The following GAREM1 variants were observed in gnomAD, a reference collection of about 807,000 sequenced individuals.
The protein encoded by GAREM1 is GRB2-associated and regulator of MAPK protein 1.
Under a neutral mutation model 71.3 loss-of-function variants are expected in GAREM1, and 26 were observed. That is an observed-to-expected ratio of 0.36 (90% CI 0.27 to 0.51). GAREM1 has a LOEUF of 0.51. Ranked by LOEUF, GAREM1 falls within the 20% of genes least tolerant of loss-of-function variation. The pLI is 0.95. For missense variants in GAREM1, 1,026 were observed against 1,103.1 expected (o/e 0.93, Z 0.99); for synonymous variants, 440 against 433.2 (o/e 1.02, Z -0.20).
intron 1 of GAREM1, among the ~76,000 whole-genome samples, chr18:32,410,510 A>G (rs979753618): frequency 5.9e-5 from 9 of 151,988 alleles, no homozygotes; most frequent in African/African-American, 2.2e-4. Context: ...GCCACACTGG[A>G]TAATGTTTTT....
chr18:32,345,527 T>C (rs2047687317), intron 2 of GAREM1, among the ~76,000 whole-genome samples: 1 of 152,078 alleles, frequency 6.6e-6, no homozygotes, highest in African/African-American at 2.4e-5. Context: ...AGTAAAAAAA[T>C]AGGAAAACTT....
intron 2 of GAREM1, among the ~76,000 whole-genome samples, chr18:32,364,943 C>T (rs867788875): frequency 1.3e-5 from 2 of 152,066 alleles, no homozygotes; most frequent in South Asian, 2.1e-4. Flanking sequence ...CCAGACTTCT[C>T]GATATATTAC....
intron 2 of GAREM1, among the ~76,000 whole-genome samples, chr18:32,376,240 C>T (rs1302706977): frequency 6.6e-6 from 1 of 152,184 alleles, no homozygotes; most frequent in Non-Finnish European, 1.5e-5. Flanking sequence ...GCATTGACGT[C>T]TCAAGATTTA....
chr18:32,327,769 A>T (rs2047488181), intron 2 of GAREM1, among the ~76,000 whole-genome samples: 1 of 152,230 alleles, frequency 6.6e-6, no homozygotes, highest in African/African-American at 2.4e-5. Flanking sequence ...AGTAGTGGAC[A>T]AGAGCCCAGC....
In GAREM1 at chr18:32,383,344, A is replaced by G. The variant is rs1198034246; in HGVS notation, c.262+9551T>C. Among the ~76,000 whole-genome samples, 17 of 152,336 alleles carry G rather than the reference A, an allele frequency of 1.1e-4. No individual in the cohort carries two copies. In the East Asian group the frequency reaches 2.7e-3, roughly 24 times the overall value. On this transcript the variant is annotated intron_variant, in intron 2 of 5. Transcript: ENST00000269209. The stretch of plus-strand genomic sequence containing the variant: ...GTCAGGGTTAACAGAAAGCCAGCAC[A>G]AGACTTCCCTGGATAGTGACTCACA...
At chr18:32,383,358 T>C (rs1403141232) in intron 2 of GAREM1, among the ~76,000 whole-genome samples, 1 of 152,190 alleles carries the variant, frequency 6.6e-6, no homozygotes. Flanking sequence ...CTTCCCTGGA[T>C]AGTGACTCAC....
intron 1 of GAREM1, among the ~76,000 whole-genome samples, chr18:32,459,226 A>T (rs1424983450): frequency 6.6e-6 from 1 of 152,170 alleles, no homozygotes; most frequent in Non-Finnish European, 1.5e-5. Context: ...TAATGGTTAT[A>T]TAACAAGTTA....
intron 2 of GAREM1, among the ~76,000 whole-genome samples, chr18:32,325,062 A>G (rs1337111156): frequency 1.3e-5 from 2 of 152,134 alleles, no homozygotes; most frequent in East Asian, 3.9e-4. Flanking sequence ...TGGTTCAAGC[A>G]ATTCTCCTGC....
At chr18:32,354,520 A>G (rs890394965) in intron 2 of GAREM1, among the ~76,000 whole-genome samples, 1 of 152,192 alleles carries the variant, frequency 6.6e-6, no homozygotes, top group Non-Finnish European at 1.5e-5. Flanking sequence ...TCTATGATAC[A>G]AATTTAAAAT....
chr18:32,409,680 G>A (rs768492531), intron 1 of GAREM1, among the ~76,000 whole-genome samples: 17 of 152,130 alleles, frequency 1.1e-4, no homozygotes, highest in Non-Finnish European at 1.9e-4. Flanking sequence ...ATAGACTCCT[G>A]CTGTATGAAA....
intron 1 of GAREM1, among the ~76,000 whole-genome samples, chr18:32,397,809 C>T (rs944552488): frequency 1.1e-4 from 17 of 152,106 alleles, no homozygotes; most frequent in Non-Finnish European, 1.6e-4. Context: ...CTGCACCAAG[C>T]GGACCTAATA....
chr18:32,279,515 C>G (rs540698873), intron 4 of GAREM1, among the ~76,000 whole-genome samples: 70 of 152,252 alleles, frequency 4.6e-4, no homozygotes, highest in Non-Finnish European at 8.8e-4. Context: ...GAATCTAATG[C>G]CTGATGATCT....
chr18:32,377,147 A>G (rs1044675273), intron 2 of GAREM1, among the ~76,000 whole-genome samples: 7 of 152,220 alleles, frequency 4.6e-5, no homozygotes, highest in African/African-American at 1.4e-4. Flanking sequence ...TTACACTGTC[A>G]TTTTGGCAGA....
At chr18:32,463,477 A>C (rs180975053) in intron 1 of GAREM1, among the ~76,000 whole-genome samples, 12 of 152,150 alleles carry the variant, frequency 7.9e-5, no homozygotes, top group African/African-American at 2.4e-4. Context: ...CATCATTTTT[A>C]GGCACAGCCA....
intron 1 of GAREM1, among the ~76,000 whole-genome samples, chr18:32,456,262 C>A (rs572296964): frequency 1.3e-5 from 2 of 152,038 alleles, no homozygotes; most frequent in South Asian, 4.2e-4. Context: ...AGCAAGCCAA[C>A]AACAGAAAAA....
chr18:32,355,174 T>C (rs1266307051), intron 2 of GAREM1, among the ~76,000 whole-genome samples: 1 of 152,178 alleles, frequency 6.6e-6, no homozygotes, highest in African/African-American at 2.4e-5. Context: ...AGTCTTGTGA[T>C]CATTATAGAT....
intron 4 of GAREM1, among the ~76,000 whole-genome samples, chr18:32,275,604 T>G (rs1298140791): frequency 6.6e-6 from 1 of 152,152 alleles, no homozygotes; most frequent in Non-Finnish European, 1.5e-5. Context: ...CCTGAGCAAT[T>G]CCCCGGCCTA....
At chr18:32,355,034 G>A (rs903509152) in intron 2 of GAREM1, among the ~76,000 whole-genome samples, 1 of 152,108 alleles carries the variant, frequency 6.6e-6, no homozygotes, top group Admixed American at 6.5e-5. Context: ...CTTTTCACAG[G>A]CATTTCTCTA....
chr18:32,391,029 T>C (rs2048191107), intron 2 of GAREM1, among the ~76,000 whole-genome samples: 1 of 152,178 alleles, frequency 6.6e-6, no homozygotes, highest in Non-Finnish European at 1.5e-5. Context: ...GTATAACTTG[T>C]TAAGGACTGT....
Sources: allele counts gnomAD v4.1 joint callset (sites outside exome capture counted in the v4.1 genomes callset), GRCh38; gene constraint gnomAD v4.1.1; transcripts MANE v1.5; gene names NCBI Gene and HGNC (gene_info 2026-07-23, HGNC 2026-07-21).